The following RNF24 variants were observed in gnomAD, a reference collection of about 807,000 sequenced individuals.
RNF24 encodes ring finger protein 24.
A neutral mutation model predicts 20.0 loss-of-function variants in RNF24; 14 were observed. The ratio of observed to expected loss-of-function variants is 0.70; its 90% CI spans 0.46 to 1.10. The LOEUF is 1.10. RNF24 is among the 50% of genes least tolerant of loss of function. RNF24 has a pLI of 0.00. For missense variants in RNF24, 124 were observed against 177.6 expected (o/e 0.70, Z 1.71); for synonymous variants, 45 against 61.1 (o/e 0.74, Z 1.23).
At chr20:3,996,847 A>AG (rs1377022093) in intron 1 of RNF24, among the ~76,000 whole-genome samples, 1 of 152,198 alleles carries the variant, frequency 6.6e-6, no homozygotes, top group Non-Finnish European at 1.5e-5. Context: ...GTGGTAAGAG[A>AG]GAACTAGGAG....
At chr20:4,011,609 A>G (rs543024129) in intron 1 of RNF24, among the ~76,000 whole-genome samples, 7 of 152,384 alleles carry the variant, frequency 4.6e-5, no homozygotes, top group Admixed American at 3.9e-4. Context: ...CAGTTTTGTC[A>G]TAGAGTTTGA....
chr20:4,004,994 C>T (rs1981730149), intron 1 of RNF24, among the ~76,000 whole-genome samples: 1 of 152,220 alleles, frequency 6.6e-6, no homozygotes, highest in Non-Finnish European at 1.5e-5. Flanking sequence ...GATCTCTGCA[C>T]TTCCATTATC....
intron 1 of RNF24, among the ~76,000 whole-genome samples, chr20:4,008,443 A>ATT (rs1982120865): frequency 4.5e-5 from 1 of 22,314 alleles, no homozygotes; most frequent in Non-Finnish European, 8.7e-5. Flanking sequence ...TAATATGTAT[A>ATT]ATATATATAA....
intron 1 of RNF24, among the ~76,000 whole-genome samples, chr20:4,006,922 CT>C (rs556311573): frequency 8.4e-4 from 128 of 152,368 alleles, no homozygotes; most frequent in Non-Finnish European, 1.7e-3. Flanking sequence ...TGCCAGCTGG[CT>C]TTCAAAGGAC....
intron 1 of RNF24, among the ~76,000 whole-genome samples, chr20:3,968,434 C>A (rs573260849): frequency 5.9e-5 from 9 of 152,220 alleles, no homozygotes; most frequent in Non-Finnish European, 1.3e-4. Context: ...CACAGGGAGA[C>A]CCCACCTGTA....
intron 1 of RNF24, among the ~76,000 whole-genome samples, chr20:4,007,186 C>G (rs1028406738): frequency 1.5e-4 from 23 of 152,126 alleles, no homozygotes; most frequent in Non-Finnish European, 4.4e-5. Context: ...AAAATATTCC[C>G]ATGATTATTA....
intron 1 of RNF24, among the ~76,000 whole-genome samples, chr20:3,970,249 G>A (rs967445978): frequency 6.6e-6 from 1 of 151,876 alleles, no homozygotes; most frequent in Admixed American, 6.6e-5. Flanking sequence ...CCCCGTCCCC[G>A]CCCCCCATGT....
intron 1 of RNF24, among the ~76,000 whole-genome samples, chr20:3,974,036 T>G (rs1000936385): frequency 1.3e-5 from 2 of 151,866 alleles, no homozygotes; most frequent in Admixed American, 1.3e-4. Flanking sequence ...TAAGGTTTAT[T>G]CAAGAGATGC....
chr20:3,965,154 G>A (rs916612931), intron 1 of RNF24, among the ~76,000 whole-genome samples: 2 of 152,182 alleles, frequency 1.3e-5, no homozygotes, highest in African/African-American at 2.4e-5. Flanking sequence ...GTTCCTGCCA[G>A]GCCTGCTTAT....
At position 3,933,063 on chromosome 20, in the gene RNF24, CTTTTTTT is replaced by C. The variant is rs11470036; in HGVS notation, c.*993_*999del. ...AAAGTGTTAAAAAGTGAATGACAGG[CTTTTTTT>C]TTTTTTTTTTTTTTTTTCTGAAGTA... is the stretch of plus-strand genomic sequence containing the variant. On this transcript the variant is annotated 3_prime_UTR_variant, in exon 6 of 6. Coordinates refer to ENST00000358395, the MANE Select transcript of RNF24 (RefSeq NM_001134337.3). The C allele has an allele frequency of 5.3e-4, 161 of 306,326 alleles. No homozygotes were observed. The highest frequency in any genetic ancestry group is 1.5e-3 in the Middle Eastern group (2 of 1,300). 19.0% of individuals were successfully genotyped at this position (306,326 alleles called of 1,614,324 possible). A position where few individuals can be genotyped will look rare whatever the true frequency, so the allele number is the denominator to read the frequency against.
In RNF24 at chr20:3,981,769, T is replaced by C. The variant is rs553903632; in HGVS notation, c.-7-17745A>G. Among the ~76,000 whole-genome samples the C allele has an allele frequency of 2.0e-4, 31 of 152,332 alleles. 1 individual carries two copies. In the South Asian group the frequency reaches 2.9e-3, roughly 14 times the overall value. The stretch of plus-strand genomic sequence containing the variant: ...TATTTTCAACACTACTCTTCCTCTT[T>C]AATATTTTCAAGGCTATTCTTACAT... On this transcript the variant is annotated intron_variant, in intron 1 of 5. Coordinates refer to ENST00000358395, the MANE Select transcript of RNF24 (RefSeq NM_001134337.3).
chr20:3,993,897 C>T (rs1296767455), intron 1 of RNF24, among the ~76,000 whole-genome samples: 2 of 152,176 alleles, frequency 1.3e-5, no homozygotes, highest in African/African-American at 4.8e-5. Context: ...TACCCTTCGC[C>T]TAACTTCCCC....
rs895369330 is a variant in RNF24 at position 3,932,220 on chromosome 20, C to T, written c.*1843G>A. 2.6e-5 allele frequency: 4 copies of T among 152,092 alleles called. No homozygotes were observed. The highest frequency in any genetic ancestry group is 7.2e-5 in the African/African-American group (3 of 41,402). The allele number at this position is 152,092 out of a possible 1,614,324, so 9.4% of individuals were successfully genotyped here. On this transcript the variant is annotated 3_prime_UTR_variant, in exon 6 of 6. Coordinates refer to ENST00000358395, the MANE Select transcript of RNF24 (RefSeq NM_001134337.3). ...GTCACTGAAAACAGCTCACTATAAA[C>T]GGGGTGTTTTGTGGCATTCAACTCT... is the stretch of plus-strand genomic sequence containing the variant.
intron 1 of RNF24, among the ~76,000 whole-genome samples, chr20:4,012,729 A>AT (rs1306840176): frequency 1.3e-5 from 2 of 152,242 alleles, no homozygotes; most frequent in African/African-American, 4.8e-5. Context: ...TACTTTGATT[A>AT]ACAGAATGCT....
At chr20:3,989,326 C>G (rs1980207272) in intron 1 of RNF24, among the ~76,000 whole-genome samples, 1 of 151,926 alleles carries the variant, frequency 6.6e-6, no homozygotes, top group South Asian at 2.1e-4. Context: ...CCTGTCTCTA[C>G]TAAAAATACA....
intron 4 of RNF24, among the ~76,000 whole-genome samples, chr20:3,937,462 T>C (rs1309977754): frequency 6.6e-6 from 1 of 152,220 alleles, no homozygotes; most frequent in Non-Finnish European, 1.5e-5. Context: ...TACTATAATA[T>C]TCACTCCTTT....
At chr20:3,996,800 C>T (rs1283146941) in intron 1 of RNF24, among the ~76,000 whole-genome samples, 1 of 152,136 alleles carries the variant, frequency 6.6e-6, no homozygotes, top group East Asian at 1.9e-4. Context: ...CCATTTTCCT[C>T]AATAAAAATG....
intron 1 of RNF24, among the ~76,000 whole-genome samples, chr20:4,004,976 T>A (rs1340068789): frequency 6.6e-6 from 1 of 152,210 alleles, no homozygotes; most frequent in Admixed American, 6.5e-5. Flanking sequence ...CCTGCTATTA[T>A]CTGCAAAGAT....
chr20:3,990,889 A>C (rs1050834022), intron 1 of RNF24, among the ~76,000 whole-genome samples: 1 of 147,214 alleles, frequency 6.8e-6, no homozygotes, highest in African/African-American at 2.4e-5. Context: ...AAATTAAAAA[A>C]AAAAATGTAG....
Sources: gnomAD v4.1 joint callset for allele counts (sites outside exome capture counted in the v4.1 genomes callset) on GRCh38, gnomAD v4.1.1 for gene constraint, MANE v1.5 for transcripts, NCBI Gene and HGNC (gene_info 2026-07-23, HGNC 2026-07-21) for gene names.